Variants in DGKB observed in about 807,000 individuals in gnomAD.
The protein encoded by DGKB is 90 kDa diacylglycerol kinase.
In DGKB, 67 loss-of-function variants were observed where a neutral mutation model predicts 114.3. The observed-to-expected ratio is 0.59, with a 90% CI of 0.48 to 0.72. DGKB has a LOEUF of 0.72. Ranked by LOEUF, DGKB falls within the 30% of genes least tolerant of loss-of-function variation. The pLI, the probability that DGKB is intolerant of heterozygous loss-of-function variation, is 0.00. For missense variants in DGKB, 907 were observed against 975.2 expected (o/e 0.93, Z 0.93); for synonymous variants, 398 against 323.1 (o/e 1.23, Z -2.49).
chr7:14,867,832 C>T (rs1280398823), intron 1 of DGKB, among the ~76,000 whole-genome samples: 2 of 152,104 alleles, frequency 1.3e-5, no homozygotes, highest in Non-Finnish European at 2.9e-5. Flanking sequence ...ATTCCTTAAC[C>T]TATGTCTAAT....
intron 21 of DGKB, among the ~76,000 whole-genome samples, chr7:14,383,033 T>C (rs1467093525): frequency 6.6e-6 from 1 of 152,214 alleles, no homozygotes; most frequent in Non-Finnish European, 1.5e-5. Context: ...ATTTTGACAG[T>C]TTTGAACAAG....
chr7:14,769,127 G>GAC (rs1253652417), intron 2 of DGKB, among the ~76,000 whole-genome samples: 1 of 63,512 alleles, frequency 1.6e-5, no homozygotes, highest in African/African-American at 8.5e-5. Context: ...GAAAGAAAGA[G>GAC]AGAGAGAGAA....
chr7:14,695,231 G>T (rs1287414877), intron 8 of DGKB, among the ~76,000 whole-genome samples: 1 of 152,054 alleles, frequency 6.6e-6, no homozygotes, highest in African/African-American at 2.4e-5. Context: ...GCTTGCTGAT[G>T]AATTAGTAGA....
intron 2 of DGKB, among the ~76,000 whole-genome samples, chr7:14,799,335 T>TTTAGTTAACAGGGATCTTGATCA (rs1562565219): frequency 6.6e-6 from 1 of 152,212 alleles, no homozygotes; most frequent in Non-Finnish European, 1.5e-5. Context: ...TGCCTCATAA[T>TTTAGTTAACAGGGATCTTGATCA]TTAGTTAACA....
At position 14,304,046 on chromosome 7, in the gene DGKB, AACACACACAC is replaced by A. The variant is rs773102280; in HGVS notation, c.2122+34459_2122+34468del. Among the ~76,000 whole-genome samples the A allele has an allele frequency of 3.5e-5, 4 of 112,736 alleles. No individual in the cohort carries two copies. In the East Asian group the frequency reaches 1.1e-3, roughly 31 times the overall value. 74.0% of individuals were successfully genotyped at this position (112,736 alleles called of 152,430 possible). On this transcript the variant is annotated intron_variant, in intron 23 of 25. Coordinates refer to ENST00000402815, the MANE Select transcript of DGKB (RefSeq NM_001350709.2). ...TATTATACACCATTTGTTCTTATAGAACACACACACACACACACACACACACACACACACA... is the reference window on the plus strand; with the variant it reads ...TATTATACACCATTTGTTCTTATAGAACACACACACACACACACACACACA...
intron 1 of DGKB, among the ~76,000 whole-genome samples, chr7:14,958,703 T>C (rs1231688130): frequency 6.6e-6 from 1 of 152,042 alleles, no homozygotes; most frequent in Non-Finnish European, 1.5e-5. Flanking sequence ...TCCTTGGCCA[T>C]GTTTTTATCA....
chr7:14,786,163 C>T (rs949442918), intron 2 of DGKB, among the ~76,000 whole-genome samples: 16 of 150,952 alleles, frequency 1.1e-4, no homozygotes, highest in African/African-American at 4.0e-4. Flanking sequence ...CACACACACA[C>T]GCACACAGCC....
chr7:14,400,247 A>C (rs1170965961), intron 21 of DGKB, among the ~76,000 whole-genome samples: 1 of 151,864 alleles, frequency 6.6e-6, no homozygotes, highest in Non-Finnish European at 1.5e-5. Context: ...AGAATAACCC[A>C]CAGACTTCCT....
In DGKB at chr7:14,148,629, T is replaced by C. The variant is rs1781742085; in HGVS notation, c.*502A>G. On this transcript the variant is annotated 3_prime_UTR_variant, in exon 26 of 26. Coordinates refer to ENST00000402815, the MANE Select transcript of DGKB (RefSeq NM_001350709.2). ...CAAGGTATTGTAGTCAACTATTTAA[T>C]AAAATCTTCGAATTAAAAGTTTCTC... 6.3e-6 allele frequency: 1 copy of C among 158,430 alleles called. No homozygotes were observed. Among genetic ancestry groups the C allele is most frequent in the Non-Finnish European group, 1.4e-5 (1 of 71,930 alleles). The allele number at this position is 158,430 out of a possible 1,614,324, so 9.8% of individuals were successfully genotyped here. A position where few individuals can be genotyped will look rare whatever the true frequency, so the allele number is the denominator to read the frequency against.
chr7:14,228,842 A>G (rs755080908), intron 23 of DGKB, among the ~76,000 whole-genome samples: 3 of 151,682 alleles, frequency 2.0e-5, no homozygotes, highest in Admixed American at 6.6e-5. Flanking sequence ...TGTCATCACC[A>G]AAGAAGAGTA....
At chr7:14,552,385 T>C (rs1407034701) in intron 20 of DGKB, among the ~76,000 whole-genome samples, 2 of 152,238 alleles carry the variant, frequency 1.3e-5, no homozygotes, top group African/African-American at 4.8e-5. Context: ...TTTATACTAA[T>C]GTAAGTACAC....
At chr7:14,167,413 A>C (rs1784768334) in intron 25 of DGKB, among the ~76,000 whole-genome samples, 1 of 151,954 alleles carries the variant, frequency 6.6e-6, no homozygotes, top group South Asian at 2.1e-4. Flanking sequence ...GGCAGATGCT[A>C]CTTCGAGAAA....
intron 20 of DGKB, among the ~76,000 whole-genome samples, chr7:14,497,326 T>C (rs1785453761): frequency 6.6e-6 from 1 of 151,786 alleles, no homozygotes; most frequent in African/African-American, 2.4e-5. Context: ...CTTGTACTTC[T>C]AAAGAGATTA....
chr7:14,630,326 C>A, intron 13 of DGKB, 58 bp from the exon 14 acceptor site: 2 of 1,368,804 alleles, frequency 1.5e-6, no homozygotes, highest in Non-Finnish European at 2.0e-6. Context: ...CAAAACAAAT[C>A]AGTGAAGTTT....
At chr7:14,155,452 A>G (rs529853821) in intron 25 of DGKB, among the ~76,000 whole-genome samples, 257 of 152,280 alleles carry the variant, frequency 1.7e-3, no homozygotes, top group African/African-American at 5.7e-3. Flanking sequence ...TTGAAAAAAT[A>G]TGCCATTTAG....
intron 25 of DGKB, among the ~76,000 whole-genome samples, chr7:14,149,903 T>G (rs912063601): frequency 1.3e-5 from 2 of 152,186 alleles, no homozygotes; most frequent in East Asian, 3.9e-4. Context: ...GCTACTCGTT[T>G]TGATTTCTTT....
intron 1 of DGKB, among the ~76,000 whole-genome samples, chr7:14,842,395 C>T (rs1464255793): frequency 6.6e-6 from 1 of 152,080 alleles, no homozygotes. Flanking sequence ...TTTTTGGTCT[C>T]GTGGGGTCAC....
intron 23 of DGKB, among the ~76,000 whole-genome samples, chr7:14,287,196 GAATAA>G (rs1801009340): frequency 6.6e-6 from 1 of 151,988 alleles, no homozygotes; most frequent in Admixed American, 6.6e-5. Flanking sequence ...CAACATAACA[GAATAA>G]AATTTAGGTT....
At chr7:14,521,966 C>T (rs1789844559) in intron 20 of DGKB, among the ~76,000 whole-genome samples, 1 of 151,954 alleles carries the variant, frequency 6.6e-6, no homozygotes, top group African/African-American at 2.4e-5. Flanking sequence ...TGAAGTCTGC[C>T]TTTTCACTGT....
Sources: allele counts gnomAD v4.1 joint callset (sites outside exome capture counted in the v4.1 genomes callset), GRCh38; gene constraint gnomAD v4.1.1; transcripts MANE v1.5; gene names NCBI Gene and HGNC (gene_info 2026-07-23, HGNC 2026-07-21).